The following ITGBL1 variants were observed in gnomAD, a reference collection of about 807,000 sequenced individuals.
ITGBL1 encodes the protein integrin subunit beta like 1, also known as integrin beta-like protein 1.
A neutral mutation model predicts 68.5 loss-of-function variants in ITGBL1; 51 were observed. The ratio of observed to expected loss-of-function variants is 0.74; its 90% CI spans 0.59 to 0.94. The LOEUF (loss-of-function observed/expected upper bound fraction) is 0.94. Among genes scored for constraint, ITGBL1 ranks in the 40% least tolerant of loss-of-function variants. The pLI is 0.00. For synonymous variants in ITGBL1, 209 were observed against 227.3 expected (o/e 0.92, Z 0.72); for missense variants, 649 against 647.4 (o/e 1.00, Z -0.03).
At chr13:101,577,383 T>C (rs1275990926) in intron 4 of ITGBL1, among the ~76,000 whole-genome samples, 1 of 152,230 alleles carries the variant, frequency 6.6e-6, no homozygotes, top group Non-Finnish European at 1.5e-5. Flanking sequence ...CATTTTAATC[T>C]CAATTATTCA....
At chr13:101,612,846 T>G (rs764632435) in intron 7 of ITGBL1, among the ~76,000 whole-genome samples, 4 of 152,134 alleles carry the variant, frequency 2.6e-5, no homozygotes, top group Non-Finnish European at 5.9e-5. Context: ...GAAACACTAT[T>G]AACAGGCATC....
chr13:101,661,095 A>G (rs954192618), intron 7 of ITGBL1, among the ~76,000 whole-genome samples: 6 of 151,142 alleles, frequency 4.0e-5, no homozygotes, highest in Non-Finnish European at 8.8e-5. Context: ...GAATTAACGG[A>G]TATACATATT....
intron 2 of ITGBL1, among the ~76,000 whole-genome samples, chr13:101,536,802 CA>C (rs1436207505): frequency 1.3e-5 from 2 of 151,868 alleles, no homozygotes; most frequent in Non-Finnish European, 2.9e-5. Flanking sequence ...GATTTCTGGT[CA>C]AATTAATTTA....
At chr13:101,564,860 A>G (rs900466149) in intron 2 of ITGBL1, among the ~76,000 whole-genome samples, 1 of 151,784 alleles carries the variant, frequency 6.6e-6, no homozygotes, top group African/African-American at 2.4e-5. Flanking sequence ...CCTAAAACTT[A>G]AAGTATAATA....
At chr13:101,605,624 G>A (rs997546538) in intron 7 of ITGBL1, among the ~76,000 whole-genome samples, 3 of 145,510 alleles carry the variant, frequency 2.1e-5, no homozygotes, top group Non-Finnish European at 3.1e-5. Flanking sequence ...ATATATACAC[G>A]TATGTAGACA....
intron 2 of ITGBL1, among the ~76,000 whole-genome samples, chr13:101,464,786 G>T: frequency 6.6e-6 from 1 of 152,110 alleles, no homozygotes; most frequent in East Asian, 1.9e-4. Context: ...ATGTGTGTTT[G>T]TATATATGTG....
intron 7 of ITGBL1, 119 bp downstream of exon 7, chr13:101,598,418 G>A (rs2030125492): frequency 6.3e-6 from 5 of 792,128 alleles, no homozygotes; most frequent in East Asian, 3.2e-5. Context: ...TGGTTTTTTT[G>A]TTTTTTATTT....
intron 8 of ITGBL1, among the ~76,000 whole-genome samples, chr13:101,696,630 T>A (rs1361484049): frequency 1.3e-5 from 2 of 152,194 alleles, no homozygotes; most frequent in African/African-American, 4.8e-5. Context: ...TCTGAAATGA[T>A]GTCCTACTTC....
chr13:101,507,756 T>A (rs1330071258), intron 2 of ITGBL1, among the ~76,000 whole-genome samples: 1 of 152,154 alleles, frequency 6.6e-6, no homozygotes, highest in African/African-American at 2.4e-5. Flanking sequence ...AAAATAGATA[T>A]AATGAGGTCA....
intron 6 of ITGBL1, among the ~76,000 whole-genome samples, chr13:101,583,667 C>T (rs1404669245): frequency 6.6e-6 from 1 of 151,904 alleles, no homozygotes; most frequent in African/African-American, 2.4e-5. Context: ...TACTATGTAC[C>T]CACAAAAATT....
intron 2 of ITGBL1, among the ~76,000 whole-genome samples, chr13:101,543,643 T>G (rs2049756530): frequency 6.6e-6 from 1 of 152,216 alleles, no homozygotes; most frequent in African/African-American, 2.4e-5. Flanking sequence ...GATAATATCC[T>G]GCAGAGTGTT....
chr13:101,586,059 T>G (rs930785615), intron 6 of ITGBL1, among the ~76,000 whole-genome samples: 7 of 152,164 alleles, frequency 4.6e-5, no homozygotes, highest in Non-Finnish European at 8.8e-5. Flanking sequence ...TCAATCCTCG[T>G]GTAAGCTTGT....
intron 2 of ITGBL1, among the ~76,000 whole-genome samples, chr13:101,500,098 A>G (rs1377057003): frequency 6.6e-6 from 1 of 152,230 alleles, no homozygotes; most frequent in Non-Finnish European, 1.5e-5. Flanking sequence ...GTGGTCTCAC[A>G]AAATAACACC....
At chr13:101,580,998 G>A (rs531659965) in intron 5 of ITGBL1, among the ~76,000 whole-genome samples, 4 of 150,556 alleles carry the variant, frequency 2.7e-5, no homozygotes, top group East Asian at 2.0e-4. Flanking sequence ...AGAAGTGGGC[G>A]CTGAGATGAG....
chr13:101,648,625 C>T (rs1487544767), intron 7 of ITGBL1, among the ~76,000 whole-genome samples: 3 of 151,970 alleles, frequency 2.0e-5, no homozygotes, highest in Non-Finnish European at 4.4e-5. Context: ...TGTTATTGTT[C>T]ACCAATGACA....
At chr13:101,613,983 T>C (rs772132215) in intron 7 of ITGBL1, among the ~76,000 whole-genome samples, 5 of 150,652 alleles carry the variant, frequency 3.3e-5, no homozygotes, top group East Asian at 2.0e-4. Flanking sequence ...ACAAAACTTA[T>C]TGCTCTGTGG....
At position 101,454,211 on chromosome 13, in the gene ITGBL1, A is replaced by G. The variant is rs1056666997; in HGVS notation, c.316+111A>G. 6 of 631,182 alleles carry G rather than the reference A, an allele frequency of 9.5e-6. No individual in the cohort carries two copies. The South Asian group carries it at 3.1e-4, about 33-fold the overall frequency. 39.1% of individuals were successfully genotyped at this position (631,182 alleles called of 1,614,324 possible). On this transcript the variant is annotated intron_variant, in intron 2 of 10. Coordinates refer to ENST00000376180, the MANE Select transcript of ITGBL1 (RefSeq NM_004791.3). ...GGGACACGCCTCCCTTCACATAAGC[A>G]CCAATTAAGTTACTGCGATTGTCAC...
intron 7 of ITGBL1, among the ~76,000 whole-genome samples, chr13:101,666,320 T>TC (rs2033216268): frequency 6.6e-6 from 1 of 152,108 alleles, no homozygotes; most frequent in Admixed American, 6.6e-5. Flanking sequence ...TTGGACTGCC[T>TC]CCTTTTAGTG....
intron 7 of ITGBL1, among the ~76,000 whole-genome samples, chr13:101,674,198 G>A: frequency 6.6e-6 from 1 of 152,192 alleles, no homozygotes; most frequent in Admixed American, 6.5e-5. Context: ...ACACTCGCGT[G>A]CATGCACACG....
Sources: allele counts gnomAD v4.1 joint callset (sites outside exome capture counted in the v4.1 genomes callset), GRCh38; gene constraint gnomAD v4.1.1; transcripts MANE v1.5; gene names NCBI Gene and HGNC (gene_info 2026-07-23, HGNC 2026-07-21).